EPC1: variants seen among roughly 807,000 people sequenced by gnomAD.
EPC1 encodes enhancer of polycomb homolog 1.
A neutral mutation model predicts 98.4 loss-of-function variants in EPC1; 12 were observed. That is an observed-to-expected ratio of 0.12 (90% CI 0.08 to 0.20). The LOEUF (loss-of-function observed/expected upper bound fraction) is 0.20, where lower values mean the gene tolerates loss of function less well. Among genes scored for constraint, EPC1 ranks in the 10% least tolerant of loss-of-function variants. The probability of loss-of-function intolerance (pLI) is 1.00; values close to 1 mark genes in which losing one functional copy is unlikely to be tolerated. For missense variants in EPC1, 729 were observed against 990.5 expected, an observed-to-expected ratio of 0.74 and a Z score of 3.54; for synonymous variants, 357 against 363.9, an observed-to-expected ratio of 0.98 and a Z score of 0.21.
intron 10 of EPC1, chr10:32,274,137 A>T (rs1835968066): frequency 1.3e-5 from 2 of 151,342 alleles, no homozygotes; most frequent in South Asian, 4.1e-4. Flanking sequence ...TGCCAATTAA[A>T]AAAAAAAAAA....
At chr10:32,369,129 A>G (rs1839680481) in intron 1 of EPC1, among the ~76,000 whole-genome samples, 2 of 152,252 alleles carry the variant, frequency 1.3e-5, no homozygotes, top group Non-Finnish European at 1.5e-5. Flanking sequence ...CCACATAGCC[A>G]GACAAAGCCA....
chr10:32,296,007 T>G (rs1414925255), intron 2 of EPC1, among the ~76,000 whole-genome samples: 3 of 151,476 alleles, frequency 2.0e-5, no homozygotes, highest in South Asian at 4.2e-4. Flanking sequence ...TACTGCAACC[T>G]CTGCCGCCCG....
In EPC1 at chr10:32,293,729, A is replaced by T. The variant is rs1834981042; in HGVS notation, c.322T>A (p.Leu108Met). ...TCATAATCAGGCTGTTCAGCATCCA[A>T]ACTAAAAGCTGACAGAAGGAACCAT... ...KQLIHIQPFS[L>M]DAEQPDYDLD... The change falls in exon 3 of 14, where the codon TTG becomes ATG. Residue 108 changes from leucine to methionine, a missense_variant. By Grantham distance (15) the Leu-to-Met change is conservative (BLOSUM62 2). Around this residue, in one of 6 missense-constraint regions of EPC1, gnomAD observed 94 missense variants for 125.1 expected, o/e 0.75. Transcript: ENST00000319778. 2.5e-6 allele frequency: 4 copies of T among 1,610,780 alleles called. No individual in the cohort carries two copies. The highest frequency in any genetic ancestry group is 3.4e-6 in the Non-Finnish European group (4 of 1,178,328).
chr10:32,355,614 T>G (rs1199375842), intron 1 of EPC1, among the ~76,000 whole-genome samples: 263 of 3,634 alleles, frequency 0.072, no homozygotes, highest in Non-Finnish European at 0.25. Flanking sequence ...ACCCTTTTTT[T>G]TTTTTTTTTT....
upstream of EPC1, among the ~76,000 whole-genome samples, chr10:32,348,210 G>T (rs1269108322): frequency 1.3e-5 from 2 of 152,200 alleles, no homozygotes; most frequent in African/African-American, 4.8e-5. Flanking sequence ...GGATATGATA[G>T]ATGGGTGGCA....
In EPC1 at chr10:32,346,943, C is replaced by T; in HGVS notation, c.-28G>A. Reference sequence around the variant, plus strand: ...CAGGCGCAGCAGATACCTCTCCGCTCTGGGGAAACGGCCCCGGCCAGCGGG... The same window carrying T: ...CAGGCGCAGCAGATACCTCTCCGCTTTGGGGAAACGGCCCCGGCCAGCGGG... On this transcript the variant is annotated 5_prime_UTR_variant, in exon 1 of 14. Coordinates refer to ENST00000319778, the MANE Select transcript of EPC1 (RefSeq NM_001272004.3). 6.2e-7 allele frequency: 1 copy of T among 1,609,672 alleles called. No individual in the cohort carries two copies. Among genetic ancestry groups the T allele is most frequent in the East Asian group, 2.2e-5 (1 of 44,810 alleles).
intron 1 of EPC1, among the ~76,000 whole-genome samples, chr10:32,326,739 C>T (rs1837302310): frequency 6.6e-6 from 1 of 152,060 alleles, no homozygotes; most frequent in Admixed American, 6.5e-5. Flanking sequence ...AATAAACCTA[C>T]AGCTCTAGAG....
chr10:32,312,290 C>T (rs1378727498), intron 1 of EPC1, among the ~76,000 whole-genome samples: 4 of 152,102 alleles, frequency 2.6e-5, no homozygotes, highest in African/African-American at 9.7e-5. Flanking sequence ...AGTAAATGGA[C>T]CACACTTTAT....
intron 1 of EPC1, among the ~76,000 whole-genome samples, chr10:32,356,760 G>A (rs971115536): frequency 1.3e-5 from 2 of 152,068 alleles, no homozygotes; most frequent in Non-Finnish European, 2.9e-5. Context: ...CGAGGCGGGC[G>A]GATCACGGGG....
rs1300499330 is a variant in EPC1, at chr10:32,286,680, C to T, written c.1391+14G>A. 1 of 1,613,190 alleles carries T rather than the reference C, an allele frequency of 6.2e-7. No individual in the cohort carries two copies. The highest frequency in any genetic ancestry group is 8.5e-7 in the Non-Finnish European group (1 of 1,179,750). The stretch of plus-strand genomic sequence containing the variant: ...CTAAAATATCCTTCTGCTAGGAATA[C>T]AGAAATACCTTACCTTCCACCGCGC... On this transcript the variant is annotated intron_variant, in intron 9 of 13. Transcript: ENST00000319778.
At chr10:32,330,738 C>A (rs990038239) in intron 1 of EPC1, among the ~76,000 whole-genome samples, 17 of 152,040 alleles carry the variant, frequency 1.1e-4, no homozygotes, top group African/African-American at 3.6e-4. Flanking sequence ...TAATTGGTTT[C>A]TTGCTAATGA....
intron 10 of EPC1, among the ~76,000 whole-genome samples, chr10:32,277,365 T>C (rs1026122154): frequency 6.6e-6 from 1 of 152,152 alleles, no homozygotes; most frequent in African/African-American, 2.4e-5. Flanking sequence ...TCGGTATGCT[T>C]CCATGAGCAA....
chr10:32,317,404 T>C (rs1000496705), intron 1 of EPC1, among the ~76,000 whole-genome samples: 5 of 152,120 alleles, frequency 3.3e-5, no homozygotes, highest in Non-Finnish European at 5.9e-5. Flanking sequence ...CACTTTGGGA[T>C]GCTGAGGCAG....
At chr10:32,340,511 G>A (rs1838273053) in intron 1 of EPC1, among the ~76,000 whole-genome samples, 1 of 152,084 alleles carries the variant, frequency 6.6e-6, no homozygotes. Flanking sequence ...TGTGTTGAAG[G>A]CAACAGTTAG....
Position 32,305,869 on chromosome 10 carries a change from C to G in EPC1, c.216G>C (p.Met72Ile). 1 of 1,613,012 alleles carries G rather than the reference C, an allele frequency of 6.2e-7. No homozygotes were observed. Among genetic ancestry groups the G allele is most frequent in the Non-Finnish European group, 8.5e-7 (1 of 1,179,556 alleles). The change falls in exon 2 of 14, where the codon ATG (methionine) becomes ATC (isoleucine). Residue 72 changes from methionine to isoleucine, a missense_variant. Transcript: ENST00000319778. ...TTTCTGCCTCTGGGACCGGTATAAC[C>G]ATATTATCCCTCTTCTCGCCATACA... is the stretch of plus-strand genomic sequence containing the variant. The part of the protein sequence containing the change: ...QQVYGEKRDN[M>I]VIPVPEAESN...
At chr10:32,347,264 G>C, upstream of EPC1, 1 of 1,105,456 alleles carries the variant, frequency 9.0e-7, no homozygotes. Context: ...CCGGCACGAA[G>C]CGCGCGTCCC....
chr10:32,323,235 A>G (rs1192763337), intron 1 of EPC1, among the ~76,000 whole-genome samples: 2 of 152,158 alleles, frequency 1.3e-5, no homozygotes, highest in African/African-American at 2.4e-5. Context: ...CCGAGTCCCT[A>G]AGTTTCGCCA....
At chr10:32,321,029 G>T (rs1297039811) in intron 1 of EPC1, among the ~76,000 whole-genome samples, 1 of 152,018 alleles carries the variant, frequency 6.6e-6, no homozygotes. Flanking sequence ...CTCATAATGA[G>T]GTCTTTTTCA....
intron 10 of EPC1, among the ~76,000 whole-genome samples, chr10:32,279,207 G>A (rs1448907987): frequency 6.6e-6 from 1 of 152,044 alleles, no homozygotes; most frequent in Admixed American, 6.5e-5. Context: ...AAATTAGCCA[G>A]GCGTGGTGGC....
Sources: allele counts gnomAD v4.1 joint callset (sites outside exome capture counted in the v4.1 genomes callset), GRCh38; gene constraint gnomAD v4.1.1; regional missense constraint gnomAD v4.1.1; transcripts MANE v1.5; gene names NCBI Gene and HGNC (gene_info 2026-07-23, HGNC 2026-07-21).